The following METTL16 variants were observed in gnomAD, a reference collection of about 807,000 sequenced individuals.
The protein encoded by METTL16 is methyltransferase 16, RNA N6-adenosine.
A neutral mutation model predicts 57.9 loss-of-function variants in METTL16; 19 were observed. The ratio of observed to expected loss-of-function variants is 0.33; its 90% confidence interval spans 0.23 to 0.48. METTL16 has a LOEUF of 0.48. Among genes scored for constraint, METTL16 ranks in the 20% least tolerant of loss-of-function variants. The probability of loss-of-function intolerance (pLI) is 0.99; values close to 1 mark genes in which losing one functional copy is unlikely to be tolerated. For synonymous variants in METTL16, 246 were observed against 255.6 expected (o/e 0.96, Z 0.36); for missense variants, 434 against 691.5 (o/e 0.63, Z 4.18).
chr17:2,467,917 C>A (rs746525157), intron 4 of METTL16, 41 bp from the exon 5 acceptor site: 1 of 1,401,204 alleles, frequency 7.1e-7, no homozygotes, highest in Non-Finnish European at 1.0e-6. Flanking sequence ...ATTAATGTTG[C>A]AGTGGTTCTA....
Position 2,425,636 on chromosome 17 carries a change from T to C in METTL16, c.889-4732A>G, listed in dbSNP as rs144706241. 6.6e-5 allele frequency among the ~76,000 whole-genome samples: 10 copies of C among 151,956 alleles called. No individual in the cohort carries two copies. The East Asian group carries it at 1.7e-3, about 26-fold the overall frequency. On this transcript the variant is annotated intron_variant, in intron 8 of 9. Transcript: ENST00000263092. ...AACAAACAAACAAACAAAAAACCAG[T>C]TCTTAAATTTTAAAATATGCTACGT...
intron 4 of METTL16, among the ~76,000 whole-genome samples, chr17:2,470,348 T>C (rs1305595948): frequency 6.6e-6 from 1 of 150,526 alleles, no homozygotes; most frequent in East Asian, 1.9e-4. Context: ...AATAGACCAA[T>C]AAAAGGACGC....
intron 4 of METTL16, among the ~76,000 whole-genome samples, chr17:2,470,102 A>G (rs2067226220): frequency 6.6e-6 from 1 of 152,168 alleles, no homozygotes; most frequent in Non-Finnish European, 1.5e-5. Flanking sequence ...ACTTTATCGA[A>G]TATATGTCGC....
chr17:2,441,265 G>A (rs1251837929), intron 7 of METTL16, among the ~76,000 whole-genome samples: 1 of 152,182 alleles, frequency 6.6e-6, no homozygotes, highest in African/African-American at 2.4e-5. Flanking sequence ...GCAAAGTATG[G>A]AATGACGGGC....
intron 8 of METTL16, among the ~76,000 whole-genome samples, chr17:2,422,437 A>G (rs1207201051): frequency 3.3e-5 from 5 of 150,494 alleles, no homozygotes; most frequent in Admixed American, 6.6e-5. Flanking sequence ...CTGGAGTGCA[A>G]TGGCGCCATC....
chr17:2,492,862 C>A (rs2151576170), intron 2 of METTL16, among the ~76,000 whole-genome samples: 1 of 142,738 alleles, frequency 7.0e-6, no homozygotes, highest in Middle Eastern at 3.7e-3. Context: ...CACGCCACTG[C>A]ACTCCAGCCT....
chr17:2,475,003 C>G (rs778984575), intron 3 of METTL16, among the ~76,000 whole-genome samples: 1 of 152,106 alleles, frequency 6.6e-6, no homozygotes, highest in African/African-American at 2.4e-5. Flanking sequence ...TCCCAAAAGC[C>G]TAAAGCAGTC....
chr17:2,509,781 C>A (rs2067574286), intron 1 of METTL16, among the ~76,000 whole-genome samples: 1 of 151,806 alleles, frequency 6.6e-6, no homozygotes, highest in South Asian at 2.1e-4. Context: ...GGTGTGGTGG[C>A]ATGTGCCTGA....
chr17:2,438,348 TAATG>T, intron 7 of METTL16, 150 bp from the exon 8 acceptor site: 1 of 609,686 alleles, frequency 1.6e-6, no homozygotes, highest in Non-Finnish European at 3.0e-6. Context: ...AGCTGCCTAA[TAATG>T]AATGAATAAA....
At chr17:2,462,108 T>C (rs569173293) in intron 6 of METTL16, among the ~76,000 whole-genome samples, 47 of 152,096 alleles carry the variant, frequency 3.1e-4, no homozygotes, top group Non-Finnish European at 6.0e-4. Flanking sequence ...CTTCCATCAA[T>C]AGATGAACGG....
At chr17:2,450,638 C>T (rs2067061775) in intron 6 of METTL16, among the ~76,000 whole-genome samples, 1 of 152,060 alleles carries the variant, frequency 6.6e-6, no homozygotes, top group Non-Finnish European at 1.5e-5. Flanking sequence ...TAAGGTTAAC[C>T]ATATCGTAAC....
intron 6 of METTL16, among the ~76,000 whole-genome samples, chr17:2,444,946 C>T (rs1285988808): frequency 6.6e-6 from 1 of 152,042 alleles, no homozygotes; most frequent in Non-Finnish European, 1.5e-5. Flanking sequence ...GAACTCCTGA[C>T]CTCAGGTGTT....
chr17:2,464,050 G>A (rs1346316898), intron 6 of METTL16, among the ~76,000 whole-genome samples, 158 bp downstream of exon 6: 2 of 151,926 alleles, frequency 1.3e-5, no homozygotes, highest in Non-Finnish European at 2.9e-5. Context: ...TTGAACCCAG[G>A]AGGCAGAGGT....
chr17:2,461,014 T>G (rs575265867), intron 6 of METTL16, among the ~76,000 whole-genome samples: 1 of 152,318 alleles, frequency 6.6e-6, no homozygotes, highest in East Asian at 1.9e-4. Flanking sequence ...ATGCTCAGTA[T>G]AATTTTAGTC....
intron 2 of METTL16, among the ~76,000 whole-genome samples, chr17:2,490,977 G>C (rs991540746): frequency 6.6e-6 from 1 of 152,322 alleles, no homozygotes; most frequent in Admixed American, 6.5e-5. Flanking sequence ...CACCAATGAA[G>C]AGCTGATTGT....
chr17:2,451,491 C>T (rs2067069345), intron 6 of METTL16, among the ~76,000 whole-genome samples: 1 of 151,714 alleles, frequency 6.6e-6, no homozygotes, highest in African/African-American at 2.4e-5. Flanking sequence ...TGTGGTGGTG[C>T]GCACCTGTAG....
At chr17:2,484,120 C>T (rs2067325411) in intron 2 of METTL16, among the ~76,000 whole-genome samples, 1 of 152,140 alleles carries the variant, frequency 6.6e-6, no homozygotes, top group African/African-American at 2.4e-5. Flanking sequence ...TAGTAACTTA[C>T]TTATAAAATA....
intron 8 of METTL16, among the ~76,000 whole-genome samples, chr17:2,428,549 AAAAAAAAAAAAAAAAATATATATATATAT>A (rs2066838418): frequency 1.5e-5 from 1 of 64,730 alleles, no homozygotes; most frequent in African/African-American, 6.3e-5. Flanking sequence ...AAAAAAAAAA[AAAAAAAAAAAAAAAAATATATATATATAT>A]ATATATATAT....
intron 8 of METTL16, among the ~76,000 whole-genome samples, chr17:2,428,083 A>C (rs1298579276): frequency 6.6e-6 from 1 of 151,914 alleles, no homozygotes; most frequent in African/African-American, 2.4e-5. Flanking sequence ...AAGGAAAGGA[A>C]TCAACAAGAA....
Sources: gnomAD v4.1 joint callset for allele counts (sites outside exome capture counted in the v4.1 genomes callset) on GRCh38, gnomAD v4.1.1 for gene constraint, MANE v1.5 for transcripts, NCBI Gene and HGNC (gene_info 2026-07-23, HGNC 2026-07-21) for gene names.